Variants in ESM1 observed in about 807,000 individuals in gnomAD.
ESM1 encodes endothelial cell-specific molecule 1.
A neutral mutation model predicts 14.9 loss-of-function variants in ESM1; 7 were observed. That is an observed-to-expected ratio of 0.47 (90% CI 0.27 to 0.88). The LOEUF is 0.88. Ranked by LOEUF, ESM1 falls within the 40% of genes least tolerant of loss-of-function variation. The pLI is 0.14. For missense variants in ESM1, 192 were observed against 237.9 expected (o/e 0.81, Z 1.27); for synonymous variants, 89 against 89.4 (o/e 1.00, Z 0.02).
intron 2 of ESM1, among the ~76,000 whole-genome samples, chr5:54,979,922 G>A (rs1362690011): frequency 6.6e-6 from 1 of 152,160 alleles, no homozygotes; most frequent in Non-Finnish European, 1.5e-5. Context: ...AGACCAATGG[G>A]TAGAACGTTC....
In ESM1 at chr5:54,985,539, C is replaced by G; in HGVS notation, c.-22G>C. Reference sequence around the variant, plus strand: ...TCATGTTTCCCAGCTGCCTCCGGCTCGGCTCTCCAGTCGTGGTCTTTGCTG... The same window carrying G: ...TCATGTTTCCCAGCTGCCTCCGGCTGGGCTCTCCAGTCGTGGTCTTTGCTG... On this transcript the variant is annotated 5_prime_UTR_variant, in exon 1 of 3. Coordinates refer to ENST00000381405, the MANE Select transcript of ESM1 (RefSeq NM_007036.5). 4.5e-6 allele frequency: 7 copies of G among 1,570,938 alleles called. No homozygotes were observed. Among genetic ancestry groups the G allele is most frequent in the Non-Finnish European group, 6.1e-6 (7 of 1,155,126 alleles).
intron 2 of ESM1, among the ~76,000 whole-genome samples, chr5:54,980,632 G>T (rs927424333): frequency 2.0e-5 from 3 of 152,190 alleles, no homozygotes; most frequent in African/African-American, 7.2e-5. Flanking sequence ...GAGAGAAACT[G>T]ACTGCTTTTT....
At chr5:54,982,243 C>T (rs1174707744) in intron 1 of ESM1, 97 bp from the exon 2 acceptor site, 4 of 1,155,070 alleles carry the variant, frequency 3.5e-6, no homozygotes, top group Non-Finnish European at 3.7e-6. Flanking sequence ...TTGAACCAAC[C>T]TCATGAACCT....
At chr5:54,982,239 C>T in intron 1 of ESM1, 93 bp from the exon 2 acceptor site, 5 of 1,239,182 alleles carry the variant, frequency 4.0e-6, no homozygotes, top group Admixed American at 4.6e-5. Context: ...CGATTTGAAC[C>T]AACCTCATGA....
chr5:54,984,703 A>T (rs1349738952), intron 1 of ESM1, among the ~76,000 whole-genome samples: 1 of 152,176 alleles, frequency 6.6e-6, no homozygotes, highest in African/African-American at 2.4e-5. Flanking sequence ...TAGATGACTT[A>T]AGCTCACTCT....
intron 2 of ESM1, among the ~76,000 whole-genome samples, chr5:54,981,360 G>A (rs891396001): frequency 2.0e-5 from 3 of 152,088 alleles, no homozygotes; most frequent in Admixed American, 2.0e-4. Flanking sequence ...CATCTCATAG[G>A]TTGTGTATTC....
intron 2 of ESM1, among the ~76,000 whole-genome samples, chr5:54,980,780 C>T (rs913238934): frequency 1.3e-5 from 2 of 152,166 alleles, no homozygotes; most frequent in African/African-American, 4.8e-5. Context: ...ATTTCCGCTT[C>T]ATTTTAATGT....
intron 2 of ESM1, among the ~76,000 whole-genome samples, chr5:54,979,800 A>ATAAATACT (rs1744016395): frequency 6.6e-6 from 1 of 152,216 alleles, no homozygotes; most frequent in African/African-American, 2.4e-5. Flanking sequence ...TAGGCACTTA[A>ATAAATACT]TAAATACTTA....
intron 1 of ESM1, 65 bp from the exon 2 acceptor site, chr5:54,982,211 C>G: frequency 6.4e-7 from 1 of 1,556,026 alleles, no homozygotes; most frequent in Non-Finnish European, 8.8e-7. Context: ...TCCTAACAGC[C>G]CTGGGTGCAT....
intron 1 of ESM1, among the ~76,000 whole-genome samples, chr5:54,982,552 A>T (rs1740408115): frequency 6.6e-6 from 1 of 152,192 alleles, no homozygotes; most frequent in Admixed American, 6.5e-5. Flanking sequence ...TTAAAATGTG[A>T]TGCTATCTTT....
At chr5:54,980,013 A>T (rs1370681913) in intron 2 of ESM1, among the ~76,000 whole-genome samples, 1 of 152,196 alleles carries the variant, frequency 6.6e-6, no homozygotes, top group Non-Finnish European at 1.5e-5. Context: ...TACTTCAAGG[A>T]GTAGTGAGGT....
rs1743997208 is a variant in ESM1 at position 54,979,016 on chromosome 5, C to T, written c.*316G>A. 1 of 221,544 alleles carries T rather than the reference C, an allele frequency of 4.5e-6. No individual in the cohort carries two copies. Among genetic ancestry groups the T allele is most frequent in the Non-Finnish European group, 8.9e-6 (1 of 112,766 alleles). The allele number at this position is 221,544 out of a possible 1,614,324, so 13.7% of individuals were successfully genotyped here. ...GACTCACTGCGGTCTTCAGCTTTGC[C>T]TAGCTCCCTCTTTGGTTGACCTGTC... On this transcript the variant is annotated 3_prime_UTR_variant, in exon 3 of 3. Transcript: ENST00000381405.
intron 1 of ESM1, 83 bp from the exon 2 acceptor site, chr5:54,982,229 C>A (rs1363455063): frequency 2.2e-6 from 3 of 1,338,062 alleles, no homozygotes; most frequent in Non-Finnish European, 3.1e-6. Flanking sequence ...CATAGCCTTG[C>A]GATTTGAACC....
intron 1 of ESM1, among the ~76,000 whole-genome samples, 197 bp from the exon 2 acceptor site, chr5:54,982,343 A>T (rs1744068925): frequency 6.6e-6 from 1 of 152,202 alleles, no homozygotes; most frequent in Non-Finnish European, 1.5e-5. Context: ...TTAAGAACAG[A>T]TAATGGATGC....
rs1185295537 is a variant in ESM1 at position 54,979,084 on chromosome 5, T to C, written c.*248A>G. 1.0e-5 allele frequency: 4 copies of C among 400,412 alleles called. No homozygotes were observed. The highest frequency in any genetic ancestry group is 1.8e-5 in the Non-Finnish European group (4 of 222,108). The allele number at this position is 400,412 out of a possible 1,614,324, so 24.8% of individuals were successfully genotyped here. On this transcript the variant is annotated 3_prime_UTR_variant, in exon 3 of 3. Transcript: ENST00000381405. ...AAATTGCATTTTTAGTTCTTCAGTG[T>C]TACTATACACACACATTTAACAAAT...
chr5:54,985,001 C>T (rs957026140), intron 1 of ESM1, among the ~76,000 whole-genome samples: 2 of 152,198 alleles, frequency 1.3e-5, no homozygotes, highest in Admixed American at 1.3e-4. Flanking sequence ...GAGTAAAATG[C>T]CACACTTCTT....
At chr5:54,983,055 C>T (rs1422091904) in intron 1 of ESM1, among the ~76,000 whole-genome samples, 1 of 152,132 alleles carries the variant, frequency 6.6e-6, no homozygotes, top group East Asian at 1.9e-4. Context: ...GTGAAAATAC[C>T]TTGTAAATGT....
rs1202822010 is a variant in ESM1, at chr5:54,977,974, C to T, written c.*1358G>A. ...AAGGCCTTCCCACACACATTCACAACTCTGTTGGCCAACTTCAAGAATAAA... is the reference window on the plus strand; with the variant it reads ...AAGGCCTTCCCACACACATTCACAATTCTGTTGGCCAACTTCAAGAATAAA... On this transcript the variant is annotated 3_prime_UTR_variant, in exon 3 of 3. Transcript: ENST00000381405. 1 of 152,128 alleles carries T rather than the reference C, an allele frequency of 6.6e-6. No individual in the cohort carries two copies. The highest frequency in any genetic ancestry group is 1.5e-5 in the Non-Finnish European group (1 of 68,008). The allele number at this position is 152,128 out of a possible 1,614,324, so 9.4% of individuals were successfully genotyped here.
At position 54,983,854 on chromosome 5, in the gene ESM1, C is replaced by T. The variant is rs187005288; in HGVS notation, c.301+1363G>A. Among the ~76,000 whole-genome samples, 160 of 152,298 alleles carry T rather than the reference C, an allele frequency of 1.1e-3. 2 individuals are homozygous for T. The East Asian group carries it at 0.024, about 23-fold the overall frequency. ...AAAAGCAATCCACTGCATATACATG[C>T]TATATCATAAGTATGATTGTGTTAA... On this transcript the variant is annotated intron_variant, in intron 1 of 2. Coordinates refer to ENST00000381405, the MANE Select transcript of ESM1 (RefSeq NM_007036.5).
Sources: gnomAD v4.1 joint callset for allele counts (sites outside exome capture counted in the v4.1 genomes callset) on GRCh38, gnomAD v4.1.1 for gene constraint, MANE v1.5 for transcripts, NCBI Gene and HGNC (gene_info 2026-07-23, HGNC 2026-07-21) for gene names.